The following AOAH variants were observed in gnomAD, a reference collection of about 807,000 sequenced individuals.
AOAH encodes acyloxyacyl hydrolase.
In AOAH, 64 loss-of-function variants were observed where a neutral mutation model predicts 92.2. That is an observed-to-expected ratio of 0.69 (90% CI 0.57 to 0.86). The LOEUF (loss-of-function observed/expected upper bound fraction) is 0.86. AOAH is among the 40% of genes least tolerant of loss of function. AOAH has a pLI of 0.00. For missense variants in AOAH, 656 were observed against 694.6 expected, an observed-to-expected ratio of 0.94 and a Z score of 0.62; for synonymous variants, 263 against 254.5, an observed-to-expected ratio of 1.03 and a Z score of -0.32.
At chr7:36,549,753 A>G (rs1039647275) in intron 13 of AOAH, among the ~76,000 whole-genome samples, 1 of 152,250 alleles carries the variant, frequency 6.6e-6, no homozygotes, top group African/African-American at 2.4e-5. Context: ...CTAAGCATAA[A>G]TGAGTAAATC....
At chr7:36,549,549 T>G (rs902160875) in intron 13 of AOAH, 74 bp from the exon 14 acceptor site, 1 of 1,016,610 alleles carries the variant, frequency 9.8e-7, no homozygotes, top group African/African-American at 1.6e-5. Flanking sequence ...GGAGTCTGAT[T>G]GACTGAACTC....
chr7:36,672,692 C>T (rs1012525081), intron 3 of AOAH, among the ~76,000 whole-genome samples: 20 of 151,916 alleles, frequency 1.3e-4, no homozygotes, highest in Admixed American at 3.9e-4. Context: ...ACCCAGATGA[C>T]GGGTTGATAG....
At chr7:36,710,669 T>C (rs1378759829) in intron 1 of AOAH, among the ~76,000 whole-genome samples, 6 of 152,350 alleles carry the variant, frequency 3.9e-5, no homozygotes, top group Non-Finnish European at 8.8e-5. Context: ...GCTAATACAC[T>C]GTGCAATCTT....
intron 15 of AOAH, among the ~76,000 whole-genome samples, chr7:36,545,493 C>T (rs968821391): frequency 6.6e-6 from 1 of 152,146 alleles, no homozygotes; most frequent in African/African-American, 2.4e-5. Context: ...GTCAGTGCCT[C>T]GGCTGGCTTC....
intron 1 of AOAH, among the ~76,000 whole-genome samples, chr7:36,717,214 C>G (rs1023803996): frequency 3.3e-5 from 5 of 152,084 alleles, no homozygotes; most frequent in African/African-American, 1.2e-4. Flanking sequence ...GGGATTGGAG[C>G]TGGGGTTGTT....
At chr7:36,714,627 C>T (rs1049863173) in intron 1 of AOAH, among the ~76,000 whole-genome samples, 13 of 152,200 alleles carry the variant, frequency 8.5e-5, no homozygotes, top group African/African-American at 2.9e-4. Flanking sequence ...AGCTTATCCA[C>T]CATGATCAAG....
At chr7:36,601,841 C>T (rs1790631182) in intron 11 of AOAH, among the ~76,000 whole-genome samples, 1 of 152,170 alleles carries the variant, frequency 6.6e-6, no homozygotes, top group Non-Finnish European at 1.5e-5. Flanking sequence ...GAAATAGTTC[C>T]AGTATTGCTA....
At chr7:36,643,996 T>A (rs1794079464) in intron 4 of AOAH, among the ~76,000 whole-genome samples, 1 of 152,194 alleles carries the variant, frequency 6.6e-6, no homozygotes, top group African/African-American at 2.4e-5. Context: ...ATTTCAAGTA[T>A]CTCTTTATAG....
At position 36,686,740 on chromosome 7, in the gene AOAH, G is replaced by A. The variant is rs148515077; in HGVS notation, c.182C>T (p.Thr61Met). The part of the protein sequence containing the change: ...IEQLAQVHNS[T>M]VQASMERLCS... ...CAGTCTCTCCATCGAGGCCTGGACCGTCGAGTTGTGAACTTGAGCAAGCTG... is the reference window on the plus strand; with the variant it reads ...CAGTCTCTCCATCGAGGCCTGGACCATCGAGTTGTGAACTTGAGCAAGCTG... The change falls in exon 2 of 21, where the codon ACG (threonine) becomes ATG (methionine). Residue 61 changes from threonine (T) to methionine (M), a missense_variant. Transcript: ENST00000617537. The A allele has an allele frequency of 3.3e-5, 52 of 1,577,226 alleles. No homozygotes were observed. Among genetic ancestry groups the A allele is most frequent in the Admixed American group, 9.1e-5 (5 of 54,970 alleles).
chr7:36,607,267 C>T (rs186762187), intron 11 of AOAH, among the ~76,000 whole-genome samples: 13 of 152,300 alleles, frequency 8.5e-5, no homozygotes, highest in Non-Finnish European at 1.3e-4. Context: ...CAGAAGGGCC[C>T]ATTATGAAAC....
At chr7:36,675,444 A>C (rs1796194256) in intron 2 of AOAH, among the ~76,000 whole-genome samples, 1 of 152,242 alleles carries the variant, frequency 6.6e-6, no homozygotes, top group Non-Finnish European at 1.5e-5. Context: ...AAATGGACTC[A>C]AGAATAGACA....
At chr7:36,679,102 G>T (rs1448159939) in intron 2 of AOAH, among the ~76,000 whole-genome samples, 1 of 152,070 alleles carries the variant, frequency 6.6e-6, no homozygotes, top group Non-Finnish European at 1.5e-5. Flanking sequence ...ATCATACATT[G>T]GGTGTATACA....
At chr7:36,594,824 G>GA (rs1190079997) in intron 11 of AOAH, among the ~76,000 whole-genome samples, 2 of 152,002 alleles carry the variant, frequency 1.3e-5, no homozygotes, top group African/African-American at 4.8e-5. Flanking sequence ...TAATCCCTCA[G>GA]AAAAAAATGC....
At chr7:36,710,426 C>T (rs557544427) in intron 1 of AOAH, among the ~76,000 whole-genome samples, 32 of 152,262 alleles carry the variant, frequency 2.1e-4, no homozygotes, top group South Asian at 1.5e-3. Flanking sequence ...GAGTTCAGTC[C>T]GGCAACTGCA....
intron 20 of AOAH, among the ~76,000 whole-genome samples, chr7:36,517,945 C>CA (rs1562855142): frequency 2.6e-4 from 3 of 11,496 alleles, no homozygotes; most frequent in African/African-American, 7.9e-4. Context: ...ACACACACAC[C>CA]CACACACACA....
intron 2 of AOAH, among the ~76,000 whole-genome samples, chr7:36,686,301 G>C (rs1797005319): frequency 6.6e-6 from 1 of 152,104 alleles, no homozygotes; most frequent in Non-Finnish European, 1.5e-5. Flanking sequence ...GGTAGGGCTA[G>C]GTGTACATCT....
intron 1 of AOAH, among the ~76,000 whole-genome samples, chr7:36,692,720 C>T (rs892622768): frequency 1.3e-5 from 2 of 152,140 alleles, no homozygotes; most frequent in South Asian, 4.1e-4. Context: ...ATTTATTCAA[C>T]GTGTACTTTT....
intron 11 of AOAH, among the ~76,000 whole-genome samples, chr7:36,603,105 T>C (rs1222380712): frequency 6.6e-6 from 1 of 152,172 alleles, no homozygotes; most frequent in Non-Finnish European, 1.5e-5. Flanking sequence ...AGATCCTGAT[T>C]GGGTAGGTTT....
chr7:36,718,625 G>T (rs1472808669), intron 1 of AOAH, among the ~76,000 whole-genome samples: 1 of 152,158 alleles, frequency 6.6e-6, no homozygotes, highest in Non-Finnish European at 1.5e-5. Flanking sequence ...TCAGCTGTAA[G>T]AAGAAACAGG....
Sources: allele counts gnomAD v4.1 joint callset (sites outside exome capture counted in the v4.1 genomes callset), GRCh38; gene constraint gnomAD v4.1.1; transcripts MANE v1.5; gene names NCBI Gene and HGNC (gene_info 2026-07-23, HGNC 2026-07-21).